The following SDE2 variants were observed in gnomAD, a reference collection of about 807,000 sequenced individuals.
The protein encoded by SDE2 is splicing regulator SDE2.
In SDE2, 31 loss-of-function variants were observed where a neutral mutation model predicts 46.9. The observed-to-expected ratio is 0.66, with a 90% CI of 0.50 to 0.89. The LOEUF (loss-of-function observed/expected upper bound fraction) is 0.89, where lower values mean the gene tolerates loss of function less well. SDE2 is among the 40% of genes least tolerant of loss of function. SDE2 has a pLI of 0.00. For synonymous variants in SDE2, 205 were observed against 204.3 expected (o/e 1.00, Z -0.03); for missense variants, 542 against 564.4 (o/e 0.96, Z 0.40).
intron 4 of SDE2, among the ~76,000 whole-genome samples, chr1:225,992,025 G>T (rs1656411279): frequency 6.6e-6 from 1 of 152,040 alleles, no homozygotes; most frequent in South Asian, 2.1e-4. Flanking sequence ...CTAAAAATAT[G>T]AAAATTAGCC....
At position 225,983,108 on chromosome 1, in the gene SDE2, T is replaced by C. The variant is rs1226592078; in HGVS notation, c.*2194A>G. On this transcript the variant is annotated 3_prime_UTR_variant, in exon 7 of 7. Transcript: ENST00000272091. ...ATTTAATGTTAAACTTATTAAAAGATACAGAGAGAACAGATAAAAATGCAA... is the reference window on the plus strand; with the variant it reads ...ATTTAATGTTAAACTTATTAAAAGACACAGAGAGAACAGATAAAAATGCAA... The C allele has an allele frequency of 6.6e-6, 1 of 152,170 alleles. No homozygotes were observed. The highest frequency in any genetic ancestry group is 6.5e-5 in the Admixed American group (1 of 15,272). 9.4% of individuals were successfully genotyped at this position (152,170 alleles called of 1,614,324 possible). A position where few individuals can be genotyped will look rare whatever the true frequency, so the allele number is the denominator to read the frequency against.
At chr1:225,985,812 T>G (rs1369608069) in intron 6 of SDE2, among the ~76,000 whole-genome samples, 1 of 152,154 alleles carries the variant, frequency 6.6e-6, no homozygotes, top group African/African-American at 2.4e-5. Flanking sequence ...CTAGTAAACA[T>G]CTAAACAGTA....
Position 225,995,290 on chromosome 1 carries a change from G to A in SDE2, c.214C>T (p.Pro72Ser), listed in dbSNP as rs1383876981. 6.2e-7 allele frequency: 1 copy of A among 1,604,436 alleles called. No individual in the cohort carries two copies. The highest frequency in any genetic ancestry group is 1.7e-5 in the Admixed American group (1 of 59,764). The stretch of plus-strand genomic sequence containing the variant: ...CCTCCTTTTCCACCGCAAAGTCTGG[G>A]TTCCAAACTATAAACAGCTCCATGC... ...VQHGAVYSLEPRLCGGKGGFG... is the reference protein window; with the variant it reads ...VQHGAVYSLESRLCGGKGGFG... The change falls in exon 2 of 7, where the codon CCC becomes TCC. Residue 72 changes from proline to serine, a missense_variant. By Grantham distance (74) the Pro-to-Ser change is moderately conservative (BLOSUM62 -1). This residue lies in a region of SDE2 where 135 missense variants were observed against 106.5 expected (regional missense o/e 1.27). Transcript: ENST00000272091.
intron 1 of SDE2, among the ~76,000 whole-genome samples, chr1:225,997,091 G>C (rs573350569): frequency 6.6e-6 from 1 of 152,184 alleles, no homozygotes; most frequent in African/African-American, 2.4e-5. Flanking sequence ...CGTGGGGGTC[G>C]TTATGACATT....
rs775573970 is a variant in SDE2 at position 225,983,297 on chromosome 1, G to C, written c.*2005C>G. 4 of 152,204 alleles carry C rather than the reference G, an allele frequency of 2.6e-5. No homozygotes were observed. Among genetic ancestry groups the C allele is most frequent in the Non-Finnish European group, 5.9e-5 (4 of 68,034 alleles). 9.4% of individuals were successfully genotyped at this position (152,204 alleles called of 1,614,324 possible). ...TTTCAAACCCAAATTACCAGAGACA[G>C]AGGGAAATTTCATAATGATAAAATG... is the stretch of plus-strand genomic sequence containing the variant. On this transcript the variant is annotated 3_prime_UTR_variant, in exon 7 of 7. Coordinates refer to ENST00000272091, the MANE Select transcript of SDE2 (RefSeq NM_152608.4).
chr1:225,987,323 G>A, intron 6 of SDE2, among the ~76,000 whole-genome samples: 1 of 152,200 alleles, frequency 6.6e-6, no homozygotes, highest in Non-Finnish European at 1.5e-5. Flanking sequence ...AAAGTGCTGG[G>A]ATTACAGGCG....
intron 4 of SDE2, among the ~76,000 whole-genome samples, chr1:225,991,753 T>A (rs2102703973): frequency 6.6e-6 from 1 of 152,338 alleles, no homozygotes; most frequent in South Asian, 2.1e-4. Flanking sequence ...ATGTTTTGGA[T>A]GCTAAAAACA....
intron 1 of SDE2, 25 bp downstream of exon 1, chr1:225,999,168 T>C: frequency 6.2e-7 from 1 of 1,601,184 alleles, no homozygotes; most frequent in African/African-American, 1.3e-5. Flanking sequence ...TCTTTCTCCT[T>C]CCTAACAGGA....
intron 2 of SDE2, among the ~76,000 whole-genome samples, chr1:225,994,097 G>A (rs1187146067): frequency 8.2e-6 from 1 of 121,548 alleles, no homozygotes; most frequent in Non-Finnish European, 1.7e-5. Context: ...TTTTTTTTTT[G>A]AGAGAGTCTC....
rs898568231 is a variant in SDE2, at chr1:225,985,166, G to A, written c.*136C>T. 3 of 662,098 alleles carry A rather than the reference G, an allele frequency of 4.5e-6. No individual in the cohort carries two copies. Among genetic ancestry groups the A allele is most frequent in the Admixed American group, 2.7e-5 (1 of 37,424 alleles). The allele number at this position is 662,098 out of a possible 1,614,324, so 41.0% of individuals were successfully genotyped here. A position where few individuals can be genotyped will look rare whatever the true frequency, so the allele number is the denominator to read the frequency against. ...ACATTAATTCTACAGCCCTGACAAG[G>A]AAAAAGGGGATAGTTAGAATTGGGT... On this transcript the variant is annotated 3_prime_UTR_variant, in exon 7 of 7. Coordinates refer to ENST00000272091, the MANE Select transcript of SDE2 (RefSeq NM_152608.4).
chr1:225,992,500 G>A lies in SDE2; in HGVS notation c.418C>T (p.Leu140=), dbSNP rs1391146464. The part of the protein sequence containing the change: ...AEKEQKRLER[L]QRKLVEPKHC... ...TTGGGTTCTACAAGCTTCCGCTGCAGTCGCTCCAGCCGCTTCTGCTCCTTT... is the reference window on the plus strand; with the variant it reads ...TTGGGTTCTACAAGCTTCCGCTGCAATCGCTCCAGCCGCTTCTGCTCCTTT... Residue 140 remains leucine, a synonymous_variant, in exon 4 of 7, where the codon CTG becomes TTG. Transcript: ENST00000272091. The A allele has an allele frequency of 1.9e-6, 3 of 1,612,988 alleles. No homozygotes were observed. Among genetic ancestry groups the A allele is most frequent in the Non-Finnish European group, 2.5e-6 (3 of 1,179,754 alleles).
In SDE2 at chr1:225,999,325, C is replaced by A. The variant is rs1193086029; in HGVS notation, c.-13G>T. The A allele has an allele frequency of 2.5e-6, 4 of 1,610,322 alleles. No homozygotes were observed. In the Admixed American group the frequency reaches 5.0e-5, roughly 20 times the overall value. Reference sequence around the variant, plus strand: ...CGGCCTCCGCCATGTCACCGACTACCCGAACCTCAAGCCTCTCTGAGACAC... The same window carrying A: ...CGGCCTCCGCCATGTCACCGACTACACGAACCTCAAGCCTCTCTGAGACAC... On this transcript the variant is annotated 5_prime_UTR_variant, in exon 1 of 7. Coordinates refer to ENST00000272091, the MANE Select transcript of SDE2 (RefSeq NM_152608.4).
intron 6 of SDE2, 92 bp from the exon 7 acceptor site, chr1:225,985,615 CATTTA>C (rs781709584): frequency 3.7e-5 from 30 of 809,554 alleles, no homozygotes; most frequent in African/African-American, 7.0e-5. Flanking sequence ...GAGAAATTTT[CATTTA>C]ATTTGCCATA....
At position 225,991,351 on chromosome 1, in the gene SDE2, G is replaced by A; in HGVS notation, c.533C>T (p.Ala178Val). The change falls in exon 5 of 7, where the codon GCC (alanine) becomes GTC (valine). Residue 178 changes from alanine (A) to valine (V), a missense_variant. Ala to Val is a moderately conservative substitution (Grantham distance 64). Coordinates refer to ENST00000272091, the MANE Select transcript of SDE2 (RefSeq NM_152608.4). ...EDSVLKGMQA[A>V]SSKMVSAEIS... ...TTCTGCTGAAACCATCTTGCTGGAG[G>A]CAGCCTGCATACCTAACCAGAAATT... 1 of 1,613,510 alleles carries A rather than the reference G, an allele frequency of 6.2e-7. No homozygotes were observed. Among genetic ancestry groups the A allele is most frequent in the Non-Finnish European group, 8.5e-7 (1 of 1,179,530 alleles).
chr1:225,992,217 C>A (rs1558084697), intron 4 of SDE2, among the ~76,000 whole-genome samples, 181 bp downstream of exon 4: 1 of 152,008 alleles, frequency 6.6e-6, no homozygotes, highest in Non-Finnish European at 1.5e-5. Flanking sequence ...TATATGTGTT[C>A]TTTTTTAAAA....
At position 225,988,067 on chromosome 1, in the gene SDE2, C is replaced by A; in HGVS notation, c.963G>T (p.Glu321Asp). 6.2e-7 allele frequency: 1 copy of A among 1,614,162 alleles called. No homozygotes were observed. Among genetic ancestry groups the A allele is most frequent in the Non-Finnish European group, 8.5e-7 (1 of 1,180,026 alleles). ...RMVTETEETQ[E>D]KKAESKEPIE... Reference sequence around the variant, plus strand: ...TGGGTTCTTTACTCTCTGCCTTCTTCTCCTGGGTCTCTTCTGTTTCTGTAA... The same window carrying A: ...TGGGTTCTTTACTCTCTGCCTTCTTATCCTGGGTCTCTTCTGTTTCTGTAA... Residue 321 changes from glutamate (E) to aspartate (D), a missense_variant, in exon 6 of 7, where the codon GAG becomes GAT. By Grantham distance (45) the Glu-to-Asp change is conservative. This residue lies in a region of SDE2 where 401 missense variants were observed against 437.8 expected (regional missense o/e 0.92). Coordinates refer to ENST00000272091, the MANE Select transcript of SDE2 (RefSeq NM_152608.4).
intron 1 of SDE2, among the ~76,000 whole-genome samples, chr1:225,995,927 G>A (rs147801453): frequency 1.4e-4 from 22 of 152,242 alleles, no homozygotes; most frequent in African/African-American, 5.1e-4. Context: ...AAGATGCTGG[G>A]CAGCCCCAGA....
rs768653970 is a variant in SDE2 at position 225,987,906 on chromosome 1, G to A, written c.1124C>T (p.Pro375Leu). Residue 375 changes from proline (P) to leucine (L), a missense_variant, in exon 6 of 7, where the codon CCA (proline) becomes CTA (leucine). Coordinates refer to ENST00000272091, the MANE Select transcript of SDE2 (RefSeq NM_152608.4). ...CCAAAACATACTTACTGCGTTTCCTGGCTGGCTTTCCTGCAGTTTGGCAAC... is the reference window on the plus strand; with the variant it reads ...CCAAAACATACTTACTGCGTTTCCTAGCTGGCTTTCCTGCAGTTTGGCAAC... Reference protein sequence around the residue: ...VAVAKLQESQPGNAVIDKETI... With the variant: ...VAVAKLQESQLGNAVIDKETI... The A allele has an allele frequency of 8.1e-6, 13 of 1,611,506 alleles. No homozygotes were observed. The highest frequency in any genetic ancestry group is 1.0e-5 in the Non-Finnish European group (12 of 1,179,178).
chr1:225,996,560 T>G (rs996202082), intron 1 of SDE2, among the ~76,000 whole-genome samples: 3 of 152,200 alleles, frequency 2.0e-5, no homozygotes, highest in African/African-American at 7.2e-5. Flanking sequence ...TTTAACTGCT[T>G]TTAACCATTT....
Sources: allele counts gnomAD v4.1 joint callset (sites outside exome capture counted in the v4.1 genomes callset), GRCh38; gene constraint gnomAD v4.1.1; regional missense constraint gnomAD v4.1.1; transcripts MANE v1.5; gene names NCBI Gene and HGNC (gene_info 2026-07-23, HGNC 2026-07-21).